The following PXDNL variants were observed in gnomAD, a reference collection of about 807,000 sequenced individuals.
PXDNL encodes the protein peroxidasin like.
A neutral mutation model predicts 150.8 loss-of-function variants in PXDNL; 145 were observed. The ratio of observed to expected loss-of-function variants is 0.96; its 90% CI spans 0.84 to 1.10. The LOEUF (loss-of-function observed/expected upper bound fraction) is 1.10, where lower values mean the gene tolerates loss of function less well. Among genes scored for constraint, PXDNL ranks in the 50% least tolerant of loss-of-function variants. The probability of loss-of-function intolerance (pLI) is 0.00; values close to 1 mark genes in which losing one functional copy is unlikely to be tolerated. For synonymous variants in PXDNL, 757 were observed against 725.7 expected (o/e 1.04, Z -0.69); for missense variants, 2,087 against 1,873.9 (o/e 1.11, Z -2.10).
chr8:51,583,518 A>C (rs1161786867), intron 3 of PXDNL, among the ~76,000 whole-genome samples: 4 of 152,120 alleles, frequency 2.6e-5, no homozygotes, highest in African/African-American at 9.7e-5. Context: ...CCTGAATCTC[A>C]TTCTGGACAT....
chr8:51,515,249 C>T (rs1811510950), intron 4 of PXDNL, among the ~76,000 whole-genome samples: 1 of 152,044 alleles, frequency 6.6e-6, no homozygotes, highest in Non-Finnish European at 1.5e-5. Context: ...TGGAAGAGAG[C>T]TTAGATGGAA....
chr8:51,605,177 G>A (rs1813814775), intron 2 of PXDNL, among the ~76,000 whole-genome samples: 1 of 151,994 alleles, frequency 6.6e-6, no homozygotes, highest in Non-Finnish European at 1.5e-5. Flanking sequence ...TAGATATAAT[G>A]ACATATACTA....
intron 3 of PXDNL, among the ~76,000 whole-genome samples, chr8:51,562,156 A>T (rs1812732609): frequency 6.6e-6 from 1 of 151,650 alleles, no homozygotes; most frequent in Non-Finnish European, 1.5e-5. Context: ...ATATAATTTT[A>T]AAGAAATAAA....
intron 4 of PXDNL, among the ~76,000 whole-genome samples, chr8:51,515,866 T>C (rs1811523606): frequency 6.6e-6 from 1 of 152,244 alleles, no homozygotes; most frequent in South Asian, 2.1e-4. Flanking sequence ...ATTAGTTTTT[T>C]CCTCTTTCCT....
intron 2 of PXDNL, among the ~76,000 whole-genome samples, chr8:51,596,356 A>T (rs1813563779): frequency 6.6e-6 from 1 of 152,158 alleles, no homozygotes; most frequent in Non-Finnish European, 1.5e-5. Flanking sequence ...GCTGTGATTA[A>T]CATATGAGCA....
At chr8:51,785,650 C>G (rs535390433) in intron 1 of PXDNL, among the ~76,000 whole-genome samples, 7 of 152,170 alleles carry the variant, frequency 4.6e-5, no homozygotes, top group African/African-American at 1.7e-4. Flanking sequence ...TGGGGGACCA[C>G]GAACCACAGC....
intron 4 of PXDNL, among the ~76,000 whole-genome samples, chr8:51,511,725 C>G (rs1764265955): frequency 6.6e-6 from 1 of 152,170 alleles, no homozygotes; most frequent in Non-Finnish European, 1.5e-5. Context: ...ACCAACCAAT[C>G]AAATGCACTC....
chr8:51,407,134 C>A (rs1247016719), intron 17 of PXDNL, among the ~76,000 whole-genome samples: 4 of 152,250 alleles, frequency 2.6e-5, no homozygotes, highest in Non-Finnish European at 1.5e-5. Context: ...ACCAGGTCTT[C>A]GTGAATCCAA....
intron 1 of PXDNL, among the ~76,000 whole-genome samples, chr8:51,662,395 G>A (rs1263240024): frequency 6.6e-6 from 1 of 152,010 alleles, no homozygotes; most frequent in Non-Finnish European, 1.5e-5. Context: ...GCAGGCCCCT[G>A]TAGTCCCAGC....
Position 51,426,714 on chromosome 8 carries a change from C to T in PXDNL, c.1570G>A (p.Val524Ile), listed in dbSNP as rs1291847924. 3 of 1,607,424 alleles carry T rather than the reference C, an allele frequency of 1.9e-6. No individual in the cohort carries two copies. The highest frequency in any genetic ancestry group is 2.7e-5 in the African/African-American group (2 of 74,872). ...TQLPQDTSVEVGKNINISCHA... is the reference protein window; with the variant it reads ...TQLPQDTSVEIGKNINISCHA... The stretch of plus-strand genomic sequence containing the variant: ...CATGAAATGTTTATATTCTTTCCAA[C>T]CTCGACACTTGTATCCTGAGGAAGT... Residue 524 changes from valine to isoleucine, a missense_variant, in exon 13 of 23, where the codon GTT (valine) becomes ATT (isoleucine). By Grantham distance (29) the Val-to-Ile change is conservative. Transcript: ENST00000356297.
intron 12 of PXDNL, 106 bp from the exon 13 acceptor site, chr8:51,426,864 A>G: frequency 1.6e-6 from 1 of 629,180 alleles, no homozygotes; most frequent in Non-Finnish European, 2.8e-6. Flanking sequence ...GGTTAAGCAC[A>G]CTAGTTTTTT....
At chr8:51,586,185 G>A (rs1014543708) in intron 3 of PXDNL, among the ~76,000 whole-genome samples, 4 of 152,182 alleles carry the variant, frequency 2.6e-5, no homozygotes, top group Non-Finnish European at 4.4e-5. Flanking sequence ...GAAGCAAGGC[G>A]TGGAAAGCAC....
intron 2 of PXDNL, among the ~76,000 whole-genome samples, chr8:51,617,753 A>G (rs1448077387): frequency 6.6e-6 from 1 of 152,264 alleles, no homozygotes; most frequent in Admixed American, 6.5e-5. Context: ...AAACAAGCAC[A>G]GTAATTTAAA....
chr8:51,485,704 A>G (rs967851950), intron 5 of PXDNL, among the ~76,000 whole-genome samples: 5 of 152,152 alleles, frequency 3.3e-5, no homozygotes, highest in Non-Finnish European at 7.3e-5. Flanking sequence ...GCGTATTTGG[A>G]GTTCAGCCCA....
At chr8:51,637,546 T>C (rs537196205) in intron 2 of PXDNL, among the ~76,000 whole-genome samples, 2 of 152,132 alleles carry the variant, frequency 1.3e-5, no homozygotes, top group East Asian at 3.9e-4. Flanking sequence ...AAGAACTACA[T>C]AATGAATGCA....
At chr8:51,515,162 G>C (rs1479934142) in intron 4 of PXDNL, among the ~76,000 whole-genome samples, 1 of 152,138 alleles carries the variant, frequency 6.6e-6, no homozygotes, top group African/African-American at 2.4e-5. Flanking sequence ...GAGGGAAGGG[G>C]GCAAGGACAG....
intron 1 of PXDNL, among the ~76,000 whole-genome samples, chr8:51,709,092 A>C (rs1236131490): frequency 6.6e-6 from 1 of 152,182 alleles, no homozygotes; most frequent in Non-Finnish European, 1.5e-5. Flanking sequence ...TAAATGTAGA[A>C]GTGTGGTAAG....
chr8:51,705,699 G>A lies in PXDNL; in HGVS notation c.165-50939C>T, dbSNP rs187002085. 5.1e-4 allele frequency among the ~76,000 whole-genome samples: 78 copies of A among 152,312 alleles called. 1 individual carries two copies. The highest frequency in any genetic ancestry group is 1.8e-3 in the African/African-American group (75 of 41,578). ...GTACATTTAAAATAAAGGAGTGAGC[G>A]TGTTTATTCTCTCAGTCAATTGATT... On this transcript the variant is annotated intron_variant, in intron 1 of 22. Coordinates refer to ENST00000356297, the MANE Select transcript of PXDNL (RefSeq NM_144651.5).
intron 19 of PXDNL, among the ~76,000 whole-genome samples, chr8:51,354,698 C>A (rs900629201): frequency 1.3e-5 from 2 of 152,000 alleles, no homozygotes; most frequent in African/African-American, 4.8e-5. Flanking sequence ...TTAAATTAAG[C>A]AACTTGGTGA....
Sources: gnomAD v4.1 joint callset for allele counts (sites outside exome capture counted in the v4.1 genomes callset) on GRCh38, gnomAD v4.1.1 for gene constraint, MANE v1.5 for transcripts, NCBI Gene and HGNC (gene_info 2026-07-23, HGNC 2026-07-21) for gene names.